Variants in GTF2F2 observed in about 807,000 individuals in gnomAD.
The protein encoded by GTF2F2 is general transcription factor IIF subunit 2.
A neutral mutation model predicts 42.2 loss-of-function variants in GTF2F2; 23 were observed. The observed-to-expected ratio is 0.55, with a 90% CI of 0.39 to 0.77. The LOEUF is 0.77. Among genes scored for constraint, GTF2F2 ranks in the 30% least tolerant of loss-of-function variants. The pLI is 0.00. For synonymous variants in GTF2F2, 105 were observed against 100.8 expected (o/e 1.04, Z -0.25); for missense variants, 261 against 287.2 (o/e 0.91, Z 0.66).
At chr13:45,282,381 T>C (rs571706981) in intron 7 of GTF2F2, among the ~76,000 whole-genome samples, 5 of 152,160 alleles carry the variant, frequency 3.3e-5, no homozygotes, top group Non-Finnish European at 7.4e-5. Context: ...ATAGTAATCA[T>C]TTAGTAAATG....
intron 4 of GTF2F2, among the ~76,000 whole-genome samples, chr13:45,200,611 A>G (rs1873134225): frequency 6.6e-6 from 1 of 152,226 alleles, no homozygotes; most frequent in African/African-American, 2.4e-5. Context: ...TGAAGATCAA[A>G]TAGAGATCAG....
At chr13:45,253,024 A>G (rs1025745760) in intron 6 of GTF2F2, 54 bp downstream of exon 6, 20 of 771,456 alleles carry the variant, frequency 2.6e-5, no homozygotes, top group South Asian at 4.0e-5. Flanking sequence ...TCTTTTCTGT[A>G]TCATAGAGTC....
At chr13:45,266,487 A>G (rs946381980) in intron 6 of GTF2F2, among the ~76,000 whole-genome samples, 1 of 152,196 alleles carries the variant, frequency 6.6e-6, no homozygotes, top group African/African-American at 2.4e-5. Context: ...AACCCGTTTT[A>G]TAATCTGCCT....
chr13:45,280,078 C>A (rs1877199158), intron 7 of GTF2F2, among the ~76,000 whole-genome samples: 1 of 152,012 alleles, frequency 6.6e-6, no homozygotes, highest in Admixed American at 6.6e-5. Flanking sequence ...AACATTTGAG[C>A]CTAGTCTTAA....
intron 5 of GTF2F2, among the ~76,000 whole-genome samples, chr13:45,233,311 G>A (rs189681782): frequency 5.9e-5 from 9 of 152,274 alleles, no homozygotes; most frequent in African/African-American, 1.2e-4. Flanking sequence ...GTCCACTTCC[G>A]TTTAGTCATC....
chr13:45,236,425 G>A (rs995014757), intron 5 of GTF2F2, among the ~76,000 whole-genome samples: 11 of 152,112 alleles, frequency 7.2e-5, no homozygotes, highest in Admixed American at 3.3e-4. Flanking sequence ...TGTGTATAGT[G>A]AAATGATGGT....
At chr13:45,227,091 C>A (rs2138212178) in intron 5 of GTF2F2, among the ~76,000 whole-genome samples, 1 of 152,074 alleles carries the variant, frequency 6.6e-6, no homozygotes, top group South Asian at 2.1e-4. Context: ...CAGAGTGAGA[C>A]CTTGTCTCAA....
chr13:45,187,580 GC>G (rs1872478001), intron 4 of GTF2F2, among the ~76,000 whole-genome samples: 1 of 152,046 alleles, frequency 6.6e-6, no homozygotes, highest in Non-Finnish European at 1.5e-5. Flanking sequence ...TCTCTGTCCA[GC>G]CTATTTTCCT....
chr13:45,194,322 A>G (rs138883540), intron 4 of GTF2F2: 48 of 1,614,176 alleles, frequency 3.0e-5, no homozygotes, highest in South Asian at 1.9e-4. Context: ...AGAGGAGACC[A>G]TCCCTGTCTA....
chr13:45,193,856 G>A lies in GTF2F2; in HGVS notation c.305-13568G>A, dbSNP rs1248369759. ...TTGGAACAATCCAGGCTGGTCAGCAGTCTAAAGCCACACTTTAAAGCCATC... is the reference window on the plus strand; with the variant it reads ...TTGGAACAATCCAGGCTGGTCAGCAATCTAAAGCCACACTTTAAAGCCATC... On this transcript the variant is annotated intron_variant, in intron 4 of 7. Transcript: ENST00000340473. 1.9e-6 allele frequency: 3 copies of A among 1,614,082 alleles called. No homozygotes were observed. In the South Asian group the frequency reaches 3.3e-5, roughly 18 times the overall value.
intron 5 of GTF2F2, among the ~76,000 whole-genome samples, chr13:45,245,710 TACAC>T (rs1395400954): frequency 7.2e-6 from 1 of 139,732 alleles, no homozygotes; most frequent in Non-Finnish European, 1.6e-5. Context: ...TACATATACA[TACAC>T]ACACACACAC....
intron 4 of GTF2F2, among the ~76,000 whole-genome samples, chr13:45,201,860 C>T (rs759659703): frequency 2.0e-5 from 3 of 152,144 alleles, no homozygotes; most frequent in Non-Finnish European, 2.9e-5. Context: ...ATTCCAAAGC[C>T]TTTGGTAGGA....
intron 5 of GTF2F2, among the ~76,000 whole-genome samples, chr13:45,235,003 C>G (rs1360291945): frequency 7.8e-6 from 1 of 127,514 alleles, no homozygotes; most frequent in African/African-American, 3.1e-5. Flanking sequence ...CAAGATTGTG[C>G]CATTGCACTC....
intron 7 of GTF2F2, among the ~76,000 whole-genome samples, chr13:45,280,508 C>T (rs772454370): frequency 5.1e-4 from 77 of 152,162 alleles, no homozygotes; most frequent in Admixed American, 1.9e-3. Context: ...TCCTAAAAAT[C>T]AGGAAGTTTG....
chr13:45,164,144 G>A (rs573604743), intron 4 of GTF2F2, among the ~76,000 whole-genome samples: 1 of 152,144 alleles, frequency 6.6e-6, no homozygotes, highest in South Asian at 2.1e-4. Context: ...GTCCAGCGTG[G>A]TGGCAGACAC....
At chr13:45,209,773 C>T (rs1199658918) in intron 5 of GTF2F2, among the ~76,000 whole-genome samples, 1 of 152,134 alleles carries the variant, frequency 6.6e-6, no homozygotes, top group African/African-American at 2.4e-5. Flanking sequence ...CCAGATCTTT[C>T]CCGCAAAACC....
chr13:45,262,644 C>G (rs1876391610), intron 6 of GTF2F2, among the ~76,000 whole-genome samples: 1 of 152,088 alleles, frequency 6.6e-6, no homozygotes, highest in African/African-American at 2.4e-5. Context: ...GTCTCGAACT[C>G]CTAAGCTCAA....
chr13:45,232,001 T>G (rs542408383), intron 5 of GTF2F2, among the ~76,000 whole-genome samples: 1 of 152,214 alleles, frequency 6.6e-6, no homozygotes, highest in African/African-American at 2.4e-5. Flanking sequence ...CAACAGGAAT[T>G]TTGCAGAATA....
At chr13:45,255,300 A>G (rs1473776430) in intron 6 of GTF2F2, among the ~76,000 whole-genome samples, 1 of 152,178 alleles carries the variant, frequency 6.6e-6, no homozygotes. Flanking sequence ...AAATGCCACT[A>G]GGGCTAAGTA....
Sources: allele counts gnomAD v4.1 joint callset (sites outside exome capture counted in the v4.1 genomes callset), GRCh38; gene constraint gnomAD v4.1.1; transcripts MANE v1.5; gene names NCBI Gene and HGNC (gene_info 2026-07-23, HGNC 2026-07-21).